Variants in REPS2 observed in about 807,000 individuals in gnomAD.
The protein encoded by REPS2 is RALBP1 associated Eps domain containing 2, also known as ralBP1-associated Eps domain-containing protein 2.
A neutral mutation model predicts 53.6 loss-of-function variants in REPS2; 23 were observed. That is an observed-to-expected ratio of 0.43 (90% CI 0.31 to 0.61). REPS2 has a LOEUF of 0.61. REPS2 is among the 20% of genes least tolerant of loss of function. REPS2 has a pLI of 0.11. For missense variants in REPS2, 446 were observed against 534.9 expected, an observed-to-expected ratio of 0.83 and a Z score of 1.64; for synonymous variants, 238 against 218.6, an observed-to-expected ratio of 1.09 and a Z score of -0.78.
At chrX:17,070,106 A>G (rs2062283856) in intron 11 of REPS2, 113 bp downstream of exon 11, 1 of 359,725 alleles carries the variant, frequency 2.8e-6, no homozygotes, top group East Asian at 5.0e-5. Flanking sequence ...GTTTCTCTCT[A>G]TTTATTTGTC....
intron 14 of REPS2, among the ~76,000 whole-genome samples, chrX:17,125,133 G>T (rs142189858): frequency 4.5e-5 from 5 of 110,964 alleles, no homozygotes; most frequent in African/African-American, 1.6e-4. Flanking sequence ...GATTACTAGC[G>T]TGAGCCACCA....
At chrX:17,060,792 T>C (rs1201748128) in intron 8 of REPS2, among the ~76,000 whole-genome samples, 3 of 110,849 alleles carry the variant, frequency 2.7e-5, no homozygotes, top group Admixed American at 9.7e-5. Context: ...GGGGAACATA[T>C]GACGGGCAAT....
chrX:17,190,990 A>G, the REPS2 span, among the ~76,000 whole-genome samples: 1 of 112,234 alleles, frequency 8.9e-6, no homozygotes, highest in East Asian at 2.8e-4. Flanking sequence ...AGACATAAAT[A>G]TAAAAACCAG....
chrX:17,020,380 A>C (rs772984374), intron 2 of REPS2, among the ~76,000 whole-genome samples: 1 of 111,530 alleles, frequency 9.0e-6, no homozygotes, highest in South Asian at 3.7e-4. Context: ...ATCTTGTTTC[A>C]TCTTTTTAGA....
At chrX:17,043,742 G>C (rs898234141) in intron 5 of REPS2, among the ~76,000 whole-genome samples, 1 of 112,760 alleles carries the variant, frequency 8.9e-6, no homozygotes, top group African/African-American at 3.2e-5. Context: ...CCAGTATACT[G>C]TGTGCCCATG....
At chrX:16,997,069 C>T (rs1037982232) in intron 1 of REPS2, among the ~76,000 whole-genome samples, 2 of 112,242 alleles carry the variant, frequency 1.8e-5, no homozygotes, top group East Asian at 5.6e-4. Flanking sequence ...TTGCCAGAAC[C>T]AGTTAAAGCT....
intron 14 of REPS2, 56 bp downstream of exon 14, chrX:17,103,835 C>G (rs778559828): frequency 1.9e-6 from 2 of 1,068,542 alleles, no homozygotes; most frequent in East Asian, 6.1e-5. Flanking sequence ...GTTGTCCTAT[C>G]GCTGTGCTTC....
chrX:17,089,855 C>A (rs181393804), intron 13 of REPS2, among the ~76,000 whole-genome samples: 1 of 112,132 alleles, frequency 8.9e-6, no homozygotes, highest in African/African-American at 3.2e-5. Context: ...GAATACAAGT[C>A]TTTGTGTGAA....
intron 2 of REPS2, among the ~76,000 whole-genome samples, chrX:17,007,330 G>C (rs181959575): frequency 2.7e-5 from 3 of 112,310 alleles, no homozygotes; most frequent in Non-Finnish European, 3.8e-5. Flanking sequence ...CAGGGGGCTA[G>C]CTTGTGCCAG....
At chrX:17,043,889 T>C (rs969281881) in intron 5 of REPS2, among the ~76,000 whole-genome samples, 2 of 111,682 alleles carry the variant, frequency 1.8e-5, no homozygotes, top group Non-Finnish European at 3.8e-5. Flanking sequence ...GGCAGGTACA[T>C]TGGAGGATTT....
intron 2 of REPS2, among the ~76,000 whole-genome samples, chrX:17,007,847 A>G (rs2061381847): frequency 8.9e-6 from 1 of 112,149 alleles, no homozygotes; most frequent in African/African-American, 3.2e-5. Flanking sequence ...CGTTGTTCGT[A>G]TCTTACAAGT....
At chrX:17,194,764 A>G in the REPS2 span, among the ~76,000 whole-genome samples, 1 of 112,002 alleles carries the variant, frequency 8.9e-6, no homozygotes, top group Non-Finnish European at 1.9e-5. Flanking sequence ...TAAGTTCTAC[A>G]AATTCTTAAT....
At chrX:17,164,884 G>C in the REPS2 span, among the ~76,000 whole-genome samples, 1 of 111,667 alleles carries the variant, frequency 9.0e-6, no homozygotes, top group Non-Finnish European at 1.9e-5. Context: ...CCAAAATCTG[G>C]GTATTTGAAA....
chrX:16,986,639 G>A (rs1426376065), intron 1 of REPS2, among the ~76,000 whole-genome samples: 1 of 111,704 alleles, frequency 9.0e-6, no homozygotes, highest in Non-Finnish European at 1.9e-5. Context: ...GGTTCATTAA[G>A]TGACCTGCTC....
chrX:17,008,359 A>T (rs2061387220), intron 2 of REPS2, among the ~76,000 whole-genome samples: 2 of 112,452 alleles, frequency 1.8e-5, no homozygotes, highest in African/African-American at 6.5e-5. Context: ...TTTAAGTTAG[A>T]CCTAAGTCTT....
chrX:17,177,067 C>A, the REPS2 span, among the ~76,000 whole-genome samples: 2 of 111,936 alleles, frequency 1.8e-5, no homozygotes, highest in East Asian at 2.8e-4. Context: ...TCTGAAATCC[C>A]AAGTCAGCAG....
chrX:17,031,025 C>G, intron 5 of REPS2, among the ~76,000 whole-genome samples: 2 of 112,470 alleles, frequency 1.8e-5, no homozygotes, highest in South Asian at 7.4e-4. Flanking sequence ...GTTTTATCCC[C>G]AAGTTGGAAA....
rs371641553 is a variant in REPS2, at chrX:16,971,646, G to A, written c.273+24512G>A. On this transcript the variant is annotated intron_variant, in intron 1 of 17. Transcript: ENST00000357277. ...TATGTTTTCTTCTAAGAGTTTTGTA[G>A]TTTTAGCTCCTATATGTCAGTCTTT... Among the ~76,000 whole-genome samples the A allele has an allele frequency of 5.3e-5, 6 of 112,315 alleles. No homozygotes were observed. The South Asian group carries it at 1.1e-3, about 20-fold the overall frequency.
At chrX:17,045,988 G>A (rs191467955) in intron 5 of REPS2, among the ~76,000 whole-genome samples, 18 of 108,665 alleles carry the variant, frequency 1.7e-4, no homozygotes, top group African/African-American at 5.7e-4. Flanking sequence ...GGAGATGGCC[G>A]GCCTTCTTTT....
Sources: allele counts gnomAD v4.1 joint callset (sites outside exome capture counted in the v4.1 genomes callset), GRCh38; gene constraint gnomAD v4.1.1; transcripts MANE v1.5; gene names NCBI Gene and HGNC (gene_info 2026-07-23, HGNC 2026-07-21).